The following SNPH variants were observed in gnomAD, a reference collection of about 807,000 sequenced individuals.
The protein encoded by SNPH is syntaphilin.
SNPH carries 10 observed loss-of-function variants against 36.8 expected under a neutral mutation model. The ratio of observed to expected loss-of-function variants is 0.27; its 90% confidence interval spans 0.17 to 0.46. SNPH has a LOEUF of 0.46. SNPH is among the 20% of genes least tolerant of loss of function. The probability of loss-of-function intolerance (pLI) is 1.00; values close to 1 mark genes in which losing one functional copy is unlikely to be tolerated. For missense variants in SNPH, 622 were observed against 744.0 expected, an observed-to-expected ratio of 0.84 and a Z score of 1.91; for synonymous variants, 281 against 312.2, an observed-to-expected ratio of 0.90 and a Z score of 1.05.
chr20:1,297,373 C>A, intron 5 of SNPH, 121 bp downstream of exon 5: 1 of 812,284 alleles, frequency 1.2e-6, no homozygotes, highest in Non-Finnish European at 2.0e-6. Flanking sequence ...TAGCCGCTGG[C>A]CGTGTGACCT....
intron 2 of SNPH, among the ~76,000 whole-genome samples, chr20:1,272,938 C>T (rs2088089547): frequency 6.6e-6 from 1 of 152,230 alleles, no homozygotes; most frequent in Non-Finnish European, 1.5e-5. Context: ...GCCTCCCTAC[C>T]ACAGGGTCTC....
chr20:1,287,182 G>A (rs1012916264), intron 2 of SNPH, among the ~76,000 whole-genome samples: 2 of 152,108 alleles, frequency 1.3e-5, no homozygotes, highest in Admixed American at 6.5e-5. Context: ...TTCCCTTTTG[G>A]CATCAGTGGC....
chr20:1,286,388 G>A (rs1230663223), intron 2 of SNPH, among the ~76,000 whole-genome samples: 2 of 152,174 alleles, frequency 1.3e-5, no homozygotes, highest in African/African-American at 4.8e-5. Flanking sequence ...CAGCTGCTGA[G>A]GACAGCAGGG....
At chr20:1,297,571 A>G (rs1055309857) in intron 5 of SNPH, among the ~76,000 whole-genome samples, 6 of 152,158 alleles carry the variant, frequency 3.9e-5, no homozygotes, top group Non-Finnish European at 7.4e-5. Flanking sequence ...CTGCTCCACC[A>G]TCCTTGGTGT....
At chr20:1,272,777 C>T (rs1356067869) in intron 2 of SNPH, among the ~76,000 whole-genome samples, 1 of 152,382 alleles carries the variant, frequency 6.6e-6, no homozygotes, top group South Asian at 2.1e-4. Context: ...TTTAGCCTGA[C>T]TTTGGCAGCT....
chr20:1,305,940 C>T lies in SNPH; in HGVS notation c.1503C>T (p.Ile501=), dbSNP rs770008898. ...GCCAGGGCCAGCCCATCTACAACAT[C>T]AGCTCCCTGCTGCGGGGCTGCTGCA... ...QRRQGQPIYN[I]SSLLRGCCTV... Residue 501 remains isoleucine (I), a synonymous_variant, in exon 7 of 7, where the codon ATC becomes ATT. Coordinates refer to ENST00000381867, the MANE Select transcript of SNPH (RefSeq NM_001318234.2). The T allele has an allele frequency of 4.0e-5, 64 of 1,586,388 alleles. No homozygotes were observed. Among genetic ancestry groups the T allele is most frequent in the Admixed American group, 5.3e-5 (3 of 56,284 alleles).
chr20:1,275,862 G>C (rs2088125324), intron 2 of SNPH, among the ~76,000 whole-genome samples: 1 of 152,158 alleles, frequency 6.6e-6, no homozygotes, highest in Non-Finnish European at 1.5e-5. Context: ...TTTCCTCCCT[G>C]CCATTCCTTT....
chr20:1,278,144 CTATG>C (rs1389057543), intron 2 of SNPH, among the ~76,000 whole-genome samples: 2 of 138,288 alleles, frequency 1.4e-5, no homozygotes, highest in African/African-American at 2.7e-5. Flanking sequence ...CTGTGTGTGC[CTATG>C]TGTGTGTGTC....
At chr20:1,279,506 C>T (rs1025134726) in intron 2 of SNPH, among the ~76,000 whole-genome samples, 11 of 152,096 alleles carry the variant, frequency 7.2e-5, no homozygotes, top group African/African-American at 2.4e-4. Flanking sequence ...ATACATTCTC[C>T]CAGTGTGTAG....
intron 2 of SNPH, among the ~76,000 whole-genome samples, chr20:1,273,522 T>A (rs1159381918): frequency 1.3e-5 from 2 of 152,044 alleles, no homozygotes; most frequent in Non-Finnish European, 2.9e-5. Flanking sequence ...CAGGGAGCTG[T>A]TTAGGTTGGT....
In SNPH at chr20:1,266,679, C is replaced by T; in HGVS notation, c.-574C>T. 1 of 1,481,358 alleles carries T rather than the reference C, an allele frequency of 6.8e-7. No individual in the cohort carries two copies. 91.8% of individuals were successfully genotyped at this position (1,481,358 alleles called of 1,614,324 possible). A position where few individuals can be genotyped will look rare whatever the true frequency, so the allele number is the denominator to read the frequency against. ...GTCGCTGATCAGGGCCAGGCGGCTGCAGCAGCGACTGCAGAGGCGCTGCGC... is the reference window on the plus strand; with the variant it reads ...GTCGCTGATCAGGGCCAGGCGGCTGTAGCAGCGACTGCAGAGGCGCTGCGC... On this transcript the variant is annotated 5_prime_UTR_variant, in exon 2 of 7. Coordinates refer to ENST00000381867, the MANE Select transcript of SNPH (RefSeq NM_001318234.2). This position sits in a 1 kb window ranked among gnomAD's most constrained non-coding sequence, Gnocchi z 6.0.
intron 2 of SNPH, among the ~76,000 whole-genome samples, chr20:1,289,227 C>G (rs891730457): frequency 6.6e-6 from 1 of 152,134 alleles, no homozygotes; most frequent in African/African-American, 2.4e-5. Flanking sequence ...TCCCATAGAT[C>G]AGATGGACTA....
chr20:1,283,426 A>G (rs1053963982), intron 2 of SNPH, among the ~76,000 whole-genome samples: 1 of 152,180 alleles, frequency 6.6e-6, no homozygotes, highest in African/African-American at 2.4e-5. Context: ...GCCACTAACA[A>G]ACAACACAGA....
rs139758196 is a variant in SNPH at position 1,273,816 on chromosome 20, G to T, written c.-493+7056G>T. Among the ~76,000 whole-genome samples the T allele has an allele frequency of 2.7e-3, 406 of 152,208 alleles. 1 individual carries two copies. The highest frequency in any genetic ancestry group is 5.3e-3 in the Admixed American group (81 of 15,284). ...AAAAAAGAAGCAGTCAACCAATCCG[G>T]GCCCACTTAGCATATGTTATCCTTG... On this transcript the variant is annotated intron_variant, in intron 2 of 6. Coordinates refer to ENST00000381867, the MANE Select transcript of SNPH (RefSeq NM_001318234.2).
intron 2 of SNPH, among the ~76,000 whole-genome samples, chr20:1,268,014 G>A (rs973598308): frequency 6.6e-6 from 1 of 152,208 alleles, no homozygotes; most frequent in Admixed American, 6.5e-5. Context: ...GAGATAGGCT[G>A]GGGGAAGAGA....
At chr20:1,300,920 T>C (rs2088499980) in intron 6 of SNPH, among the ~76,000 whole-genome samples, 2 of 152,238 alleles carry the variant, frequency 1.3e-5, no homozygotes, top group Admixed American at 6.5e-5. Context: ...CACGAGGCTG[T>C]TGGGGGCCAG....
rs1170182245 is a variant in SNPH, at chr20:1,304,111, C to T, written c.441-767C>T. On this transcript the variant is annotated intron_variant, in intron 6 of 6. Transcript: ENST00000381867. The surrounding 1 kb of genome is among the most constrained non-coding windows in gnomAD (Gnocchi z 4.3). ...AAGAGTCTGCCGACTATCTTGTTCACCTGGTGCTTGCCCCCGTCGCTCAGG... is the reference window on the plus strand; with the variant it reads ...AAGAGTCTGCCGACTATCTTGTTCATCTGGTGCTTGCCCCCGTCGCTCAGG... 2.2e-4 allele frequency among the ~76,000 whole-genome samples: 34 copies of T among 152,170 alleles called. No individual in the cohort carries two copies.
At chr20:1,283,152 AT>A (rs1389569021) in intron 2 of SNPH, among the ~76,000 whole-genome samples, 1 of 152,130 alleles carries the variant, frequency 6.6e-6, no homozygotes, top group Non-Finnish European at 1.5e-5. Flanking sequence ...CCTGAAAAGG[AT>A]TTCCCCCTCA....
chr20:1,287,121 A>G (rs1357023548), intron 2 of SNPH, among the ~76,000 whole-genome samples: 1 of 151,946 alleles, frequency 6.6e-6, no homozygotes, highest in Non-Finnish European at 1.5e-5. Context: ...CAAAGAACCA[A>G]TTTTCTTCCT....
Sources: allele counts gnomAD v4.1 joint callset (sites outside exome capture counted in the v4.1 genomes callset), GRCh38; gene constraint gnomAD v4.1.1; non-coding constraint Gnocchi (gnomAD v3.1); transcripts MANE v1.5; gene names NCBI Gene and HGNC (gene_info 2026-07-23, HGNC 2026-07-21).